The following EWSR1 variants were observed in gnomAD, a reference collection of about 807,000 sequenced individuals.
EWSR1 encodes the protein EWS RNA binding protein 1, also known as RNA-binding protein EWS.
In EWSR1, 14 loss-of-function variants were observed where a neutral mutation model predicts 92.1. The ratio of observed to expected loss-of-function variants is 0.15; its 90% CI spans 0.10 to 0.24. The LOEUF is 0.24. Ranked by LOEUF, EWSR1 falls within the 10% of genes least tolerant of loss-of-function variation. The probability of loss-of-function intolerance (pLI) is 1.00; values close to 1 mark genes in which losing one functional copy is unlikely to be tolerated. For synonymous variants in EWSR1, 303 were observed against 292.9 expected (o/e 1.03, Z -0.35); for missense variants, 637 against 870.9 (o/e 0.73, Z 3.38).
At chr22:29,275,278 A>G (rs1470506305) in intron 4 of EWSR1, among the ~76,000 whole-genome samples, 1 of 152,216 alleles carries the variant, frequency 6.6e-6, no homozygotes, top group East Asian at 1.9e-4. Context: ...GCCTAGATCT[A>G]GCCTTCCGAA....
Position 29,297,966 on chromosome 22 carries a change from C to G in EWSR1, c.1417+17C>G. 2 of 1,603,956 alleles carry G rather than the reference C, an allele frequency of 1.2e-6. No homozygotes were observed. The highest frequency in any genetic ancestry group is 1.1e-5 in the South Asian group (1 of 90,396). ...TCCGTGGAGGTACTTTTTCTGAGCT[C>G]CTATGTTGCATTAAAAGGTTTTCAG... On this transcript the variant is annotated intron_variant, in intron 13 of 16. Coordinates refer to ENST00000397938, the MANE Select transcript of EWSR1 (RefSeq NM_005243.4).
chr22:29,297,662 G>T (rs558804824), intron 12 of EWSR1, among the ~76,000 whole-genome samples, 165 bp from the exon 13 acceptor site: 9 of 152,216 alleles, frequency 5.9e-5, no homozygotes, highest in Non-Finnish European at 1.2e-4. Flanking sequence ...GCAACAGAGT[G>T]AGACTCCCAT....
chr22:29,273,947 A>G (rs2058896914), intron 4 of EWSR1, 83 bp downstream of exon 4: 9 of 1,560,906 alleles, frequency 5.8e-6, no homozygotes, highest in Non-Finnish European at 7.0e-6. Flanking sequence ...TTTCGGATGT[A>G]TATTCTGGTC....
chr22:29,300,281 T>C lies in EWSR1; in HGVS notation c.*120T>C. 1 of 954,524 alleles carries C rather than the reference T, an allele frequency of 1.0e-6. No homozygotes were observed. The highest frequency in any genetic ancestry group is 1.6e-6 in the Non-Finnish European group (1 of 633,024). 59.1% of individuals were successfully genotyped at this position (954,524 alleles called of 1,614,324 possible). A position where few individuals can be genotyped will look rare whatever the true frequency, so the allele number is the denominator to read the frequency against. ...CACAACATTATGATTATTCCTTGTCTGTACTTTAGTATTTTTCACCATTTG... is the reference window on the plus strand; with the variant it reads ...CACAACATTATGATTATTCCTTGTCCGTACTTTAGTATTTTTCACCATTTG... On this transcript the variant is annotated 3_prime_UTR_variant, in exon 17 of 17. Transcript: ENST00000397938.
Position 29,297,921 on chromosome 22 carries a change from C to A in EWSR1, c.1389C>A (p.Gly463=). The A allele has an allele frequency of 6.2e-7, 1 of 1,614,018 alleles. No homozygotes were observed. Among genetic ancestry groups the A allele is most frequent in the Non-Finnish European group, 8.5e-7 (1 of 1,179,968 alleles). Residue 463 remains glycine (G), a synonymous_variant, in exon 13 of 17, where the codon GGC becomes GGA. Transcript: ENST00000397938. ...GGGGTGGTCTGCCACCCCGTGAGGG[C>A]AGAGGCATGCCACCACCACTCCGTG... The part of the protein sequence containing the change: ...SMRGGLPPRE[G]RGMPPPLRGG...
chr22:29,298,004 C>T (rs1393771703), intron 13 of EWSR1, 55 bp downstream of exon 13: 34 of 1,538,114 alleles, frequency 2.2e-5, no homozygotes, highest in Non-Finnish European at 2.9e-5. Flanking sequence ...CACTTCATAC[C>T]CTTGAGAAAC....
At chr22:29,286,712 A>ATG (rs2060067669) in intron 6 of EWSR1, among the ~76,000 whole-genome samples, 1 of 121,308 alleles carries the variant, frequency 8.2e-6, no homozygotes, top group African/African-American at 3.2e-5. Context: ...AAAAAAAAAA[A>ATG]TTTTTTTGTT....
In EWSR1 at chr22:29,280,890, T is replaced by G. The variant is rs1213311444; in HGVS notation, c.414-1500T>G. On this transcript the variant is annotated intron_variant, in intron 5 of 16. Transcript: ENST00000397938. ...TTTTTTTTTTTTTTTTTTTTTTTTTTTTTTTTTTTGACAGAGTCTTGCTCC... is the reference window on the plus strand; with the variant it reads ...TTTTTTTTTTTTTTTTTTTTTTTTTGTTTTTTTTTGACAGAGTCTTGCTCC... Among the ~76,000 whole-genome samples the G allele has an allele frequency of 4.7e-4, 60 of 128,004 alleles. 2 individuals carry two copies. Among genetic ancestry groups the G allele is most frequent in the African/African-American group, 1.6e-3 (57 of 35,642 alleles). The allele number at this position is 128,004 out of a possible 152,430, so 84.0% of individuals were successfully genotyped here.
chr22:29,284,829 G>GTT (rs2059898119), intron 6 of EWSR1, among the ~76,000 whole-genome samples: 2 of 151,098 alleles, frequency 1.3e-5, no homozygotes, highest in Non-Finnish European at 2.9e-5. Context: ...GTTTTGTTTT[G>GTT]TTTTTTTGAG....
chr22:29,280,873 T>G (rs6006085), intron 5 of EWSR1, among the ~76,000 whole-genome samples: 16,318 of 56,032 alleles, frequency 0.29, 1,886 homozygotes, highest in African/African-American at 0.49. Flanking sequence ...TTTTTTTTTT[T>G]TTTTTTTTTT....
Position 29,278,281 on chromosome 22 carries a change from C to T in EWSR1, c.413+65C>T. 5 of 1,478,144 alleles carry T rather than the reference C, an allele frequency of 3.4e-6. No homozygotes were observed. In the Admixed American group the frequency reaches 1.1e-4, roughly 31 times the overall value. 91.6% of individuals were successfully genotyped at this position (1,478,144 alleles called of 1,614,324 possible). ...GAGGGAAAGAAAGCAACTGTGTACA[C>T]TTAAAATAATCTGTGGTTTAGTTCC... On this transcript the variant is annotated intron_variant, in intron 5 of 16. Transcript: ENST00000397938.
chr22:29,299,133 A>G (rs1186167991), intron 14 of EWSR1, 101 bp from the exon 15 acceptor site: 1 of 1,601,522 alleles, frequency 6.2e-7, no homozygotes, highest in Non-Finnish European at 8.5e-7. Context: ...GTGTACATAG[A>G]TCCTCTTGAT....
In EWSR1 at chr22:29,292,189, G is replaced by A. The variant is rs375871654; in HGVS notation, c.1045+20G>A. ...ATCTAGGTAATTTTGAATTCTAGTT[G>A]TGCTTCATATCGTGCTTTGTAAATT... is the stretch of plus-strand genomic sequence containing the variant. On this transcript the variant is annotated intron_variant, in intron 10 of 16. Transcript: ENST00000397938. 6.2e-7 allele frequency: 1 copy of A among 1,612,426 alleles called. No homozygotes were observed. The highest frequency in any genetic ancestry group is 1.3e-5 in the African/African-American group (1 of 74,998).
rs754644390 is a variant in EWSR1, at chr22:29,298,912, G to A, written c.1580+17G>A. On this transcript the variant is annotated intron_variant, in intron 14 of 16. Coordinates refer to ENST00000397938, the MANE Select transcript of EWSR1 (RefSeq NM_005243.4). The stretch of plus-strand genomic sequence containing the variant: ...TCCCAATCCGTATGTACTTGTCTTG[G>A]CAAATTGATACCCTACGAGTGAAGC... 2.6e-6 allele frequency: 4 copies of A among 1,528,834 alleles called. No homozygotes were observed. Among genetic ancestry groups the A allele is most frequent in the Non-Finnish European group, 2.6e-6 (3 of 1,144,360 alleles). 94.7% of individuals were successfully genotyped at this position (1,528,834 alleles called of 1,614,324 possible). A position where few individuals can be genotyped will look rare whatever the true frequency, so the allele number is the denominator to read the frequency against.
At chr22:29,273,949 A>C (rs779327381) in intron 4 of EWSR1, 85 bp downstream of exon 4, 1 of 1,540,862 alleles carries the variant, frequency 6.5e-7, no homozygotes, top group East Asian at 2.2e-5. Context: ...TCGGATGTAT[A>C]TTCTGGTCCA....
chr22:29,299,788 G>C lies in EWSR1; in HGVS notation c.1868G>C (p.Gly623Ala), dbSNP rs2061195162. Residue 623 changes from glycine (G) to alanine (A), a missense_variant, in exon 16 of 17, where the codon GGA (glycine) becomes GCA (alanine). By Grantham distance (60) the Gly-to-Ala change is moderately conservative (BLOSUM62 0). Transcript: ENST00000397938. ...CGAGGTGGCCCTGGGGGGCCCCCTG[G>C]ACCTTTGATGGAACAGATGGGAGGA... ...GRRGGPGGPP[G>A]PLMEQMGGRR... 1 of 1,594,206 alleles carries C rather than the reference G, an allele frequency of 6.3e-7. No homozygotes were observed. The highest frequency in any genetic ancestry group is 1.3e-5 in the African/African-American group (1 of 74,370).
At chr22:29,297,045 G>A (rs1273855853) in intron 12 of EWSR1, among the ~76,000 whole-genome samples, 1 of 152,172 alleles carries the variant, frequency 6.6e-6, no homozygotes, top group Non-Finnish European at 1.5e-5. Flanking sequence ...GCAAGACTCT[G>A]TCTCAAAGAA....
chr22:29,298,070 C>A, intron 13 of EWSR1, 121 bp downstream of exon 13: 3 of 1,096,820 alleles, frequency 2.7e-6, no homozygotes, highest in Non-Finnish European at 1.3e-6. Context: ...ACTAGACTAT[C>A]GAGAGCTAAC....
chr22:29,274,374 A>G, intron 4 of EWSR1: 2 of 1,454,472 alleles, frequency 1.4e-6, no homozygotes, highest in East Asian at 4.5e-5. Flanking sequence ...CATTTGTTGA[A>G]CCCCCAAACT....
Sources: allele counts gnomAD v4.1 joint callset (sites outside exome capture counted in the v4.1 genomes callset), GRCh38; gene constraint gnomAD v4.1.1; transcripts MANE v1.5; gene names NCBI Gene and HGNC (gene_info 2026-07-23, HGNC 2026-07-21).